Variants in VWA8 observed in about 807,000 individuals in gnomAD.
VWA8 encodes von Willebrand factor A domain containing 8.
VWA8 carries 221 observed loss-of-function variants against 241.5 expected under a neutral mutation model. That is an observed-to-expected ratio of 0.91 (90% CI 0.82 to 1.02). The LOEUF is 1.02. VWA8 is among the 50% of genes least tolerant of loss of function. VWA8 has a pLI of 0.00. For missense variants in VWA8, 2,322 were observed against 2,328.7 expected (o/e 1.00, Z 0.06); for synonymous variants, 852 against 827.1 (o/e 1.03, Z -0.52).
At chr13:41,937,103 C>T (rs1460748560) in intron 2 of VWA8, among the ~76,000 whole-genome samples, 1 of 152,066 alleles carries the variant, frequency 6.6e-6, no homozygotes, top group Non-Finnish European at 1.5e-5. Context: ...TAGGTTTGTA[C>T]CCTAGGAACA....
rs115767412 is a variant in VWA8 at position 41,938,707 on chromosome 13, G to C, written c.241+11229C>G. ...CAAAGAAAATTCTTTCATAATGAGA[G>C]GCAATTAATCCAACTATTGAAAATA... is the stretch of plus-strand genomic sequence containing the variant. On this transcript the variant is annotated intron_variant, in intron 2 of 44. Transcript: ENST00000379310. 1.3e-3 allele frequency among the ~76,000 whole-genome samples: 198 copies of C among 152,066 alleles called. 1 individual carries two copies. The highest frequency in any genetic ancestry group is 3.4e-3 in the Middle Eastern group (1 of 292).
chr13:41,612,999 T>C (rs376483673), intron 38 of VWA8, among the ~76,000 whole-genome samples: 19 of 152,220 alleles, frequency 1.2e-4, no homozygotes, highest in African/African-American at 4.3e-4. Context: ...CTGCTTTTAC[T>C]ATTATTATTA....
rs373691328 is a variant in VWA8 at position 41,714,182 on chromosome 13, T to C, written c.3116+5409A>G. On this transcript the variant is annotated intron_variant, in intron 26 of 44. Coordinates refer to ENST00000379310, the MANE Select transcript of VWA8 (RefSeq NM_015058.2). ...AATATCATCATAAAGAAAGCCAACA[T>C]CTAAAAAACTTTTTAATTTCCTTAG... Among the ~76,000 whole-genome samples the C allele has an allele frequency of 9.4e-4, 143 of 152,128 alleles. 1 individual carries two copies. Among genetic ancestry groups the C allele is most frequent in the Middle Eastern group, 3.4e-3 (1 of 294 alleles).
At position 41,960,857 on chromosome 13, in the gene VWA8, G is replaced by A. The variant is rs1878580216; in HGVS notation, c.159C>T (p.Asp53=). The A allele has an allele frequency of 1.3e-6, 2 of 1,517,782 alleles. No homozygotes were observed. Among genetic ancestry groups the A allele is most frequent in the African/African-American group, 2.9e-5 (2 of 70,058 alleles). 94.0% of individuals were successfully genotyped at this position (1,517,782 alleles called of 1,614,324 possible). ...CAGGGGCGCACCCCGAGTTACCTGT[G>A]TCGGCCCCCGAGCCGGCGTGCAACA... ...VRLLHAGSGA[D]TGDTVNIGDV... Residue 53 remains aspartate, a synonymous_variant, in exon 1 of 45, where the codon GAC becomes GAT. Coordinates refer to ENST00000379310, the MANE Select transcript of VWA8 (RefSeq NM_015058.2).
intron 1 of VWA8, among the ~76,000 whole-genome samples, chr13:41,956,855 T>C (rs1490938414): frequency 6.6e-6 from 1 of 152,230 alleles, no homozygotes; most frequent in African/African-American, 2.4e-5. Flanking sequence ...TGTACAATGA[T>C]ATTTATTACC....
chr13:41,647,947 C>A (rs1024184962), intron 37 of VWA8, among the ~76,000 whole-genome samples: 4 of 152,026 alleles, frequency 2.6e-5, no homozygotes, highest in African/African-American at 9.7e-5. Flanking sequence ...CAAGATCGCA[C>A]CACTGCACTC....
intron 16 of VWA8, among the ~76,000 whole-genome samples, chr13:41,813,891 G>A (rs1566467579): frequency 6.6e-6 from 1 of 151,852 alleles, no homozygotes; most frequent in East Asian, 1.9e-4. Flanking sequence ...CAAAAAAAAA[G>A]GGGGGCGGTG....
intron 37 of VWA8, among the ~76,000 whole-genome samples, chr13:41,636,363 T>G (rs2044756666): frequency 6.6e-6 from 1 of 152,196 alleles, no homozygotes; most frequent in African/African-American, 2.4e-5. Context: ...GTGGGAAAAC[T>G]GGCTAGCCAT....
At chr13:41,871,307 T>C (rs966533320) in intron 9 of VWA8, among the ~76,000 whole-genome samples, 4 of 152,224 alleles carry the variant, frequency 2.6e-5, no homozygotes, top group African/African-American at 9.7e-5. Context: ...TTTTATTTTT[T>C]TAAATTTATT....
At chr13:41,733,575 C>T (rs1348895129) in intron 21 of VWA8, among the ~76,000 whole-genome samples, 2 of 152,108 alleles carry the variant, frequency 1.3e-5, no homozygotes, top group African/African-American at 4.8e-5. Context: ...TCCTTGCCTG[C>T]CTACCTTTCA....
At chr13:41,932,066 C>T (rs1037740096) in intron 2 of VWA8, among the ~76,000 whole-genome samples, 3 of 151,940 alleles carry the variant, frequency 2.0e-5, no homozygotes, top group Admixed American at 2.0e-4. Flanking sequence ...TCTGGTCAGA[C>T]TATTAAGAGA....
chr13:41,684,488 T>C (rs1440481856), intron 35 of VWA8, among the ~76,000 whole-genome samples: 1 of 152,142 alleles, frequency 6.6e-6, no homozygotes, highest in Non-Finnish European at 1.5e-5. Flanking sequence ...TGTCCACTGG[T>C]GGGGTGATCC....
chr13:41,893,958 A>G (rs1874977106), intron 4 of VWA8, among the ~76,000 whole-genome samples: 1 of 152,252 alleles, frequency 6.6e-6, no homozygotes, highest in Non-Finnish European at 1.5e-5. Flanking sequence ...TTACTTCAAG[A>G]AAGCACAGCT....
rs2139654395 is a variant in VWA8, at chr13:41,601,948, C to T, written c.4986+3220G>A. ...CTTTGTGCCGTTCACCAAGGAAACA[C>T]CCATGGTTACTTGGATTACATAGCA... On this transcript the variant is annotated intron_variant, in intron 40 of 44. Coordinates refer to ENST00000379310, the MANE Select transcript of VWA8 (RefSeq NM_015058.2). 2.0e-5 allele frequency among the ~76,000 whole-genome samples: 3 copies of T among 152,180 alleles called. No homozygotes were observed. In the Middle Eastern group the frequency reaches 0.01, roughly 518 times the overall value.
At chr13:41,744,030 C>G (rs1300958917) in intron 21 of VWA8, among the ~76,000 whole-genome samples, 1 of 152,224 alleles carries the variant, frequency 6.6e-6, no homozygotes, top group Admixed American at 6.5e-5. Flanking sequence ...CAGGTGCCTG[C>G]TTCCCTTTCT....
chr13:41,757,264 T>TA (rs1185605805), intron 21 of VWA8, among the ~76,000 whole-genome samples: 1 of 151,704 alleles, frequency 6.6e-6, no homozygotes, highest in Non-Finnish European at 1.5e-5. Context: ...TCTCCTATAA[T>TA]ACACAGCCTC....
chr13:41,720,019 G>A (rs1455086492), intron 25 of VWA8, among the ~76,000 whole-genome samples: 1 of 151,910 alleles, frequency 6.6e-6, no homozygotes, highest in Non-Finnish European at 1.5e-5. Flanking sequence ...TGGTGTCAGT[G>A]ATTGCCACTG....
At chr13:41,948,966 T>C (rs1308671076) in intron 2 of VWA8, among the ~76,000 whole-genome samples, 1 of 130,224 alleles carries the variant, frequency 7.7e-6, no homozygotes, top group Non-Finnish European at 1.6e-5. Context: ...CATACACACA[T>C]ACAACCATAC....
chr13:41,960,924 T>G lies in VWA8; in HGVS notation c.92A>C (p.Gln31Pro), dbSNP rs1413128428. 5 of 1,495,148 alleles carry G rather than the reference T, an allele frequency of 3.3e-6. No individual in the cohort carries two copies. In the Admixed American group the frequency reaches 1.1e-4, roughly 32 times the overall value. The allele number at this position is 1,495,148 out of a possible 1,614,324, so 92.6% of individuals were successfully genotyped here. The change falls in exon 1 of 45, where the codon CAG becomes CCG. Residue 31 changes from glutamine to proline, a missense_variant. Physicochemically the swap from Gln to Pro is moderately conservative, Grantham distance 76. Coordinates refer to ENST00000379310, the MANE Select transcript of VWA8 (RefSeq NM_015058.2). ...CTGCCTGTCGCCACCCGGCCTGCGC[T>G]GCACCACCTGCCGCAGGAGCAGCCG... The part of the protein sequence containing the change: ...RMRLLLRQVV[Q>P]RRPGGDRQRP...
Sources: gnomAD v4.1 joint callset for allele counts (sites outside exome capture counted in the v4.1 genomes callset) on GRCh38, gnomAD v4.1.1 for gene constraint, MANE v1.5 for transcripts, NCBI Gene and HGNC (gene_info 2026-07-23, HGNC 2026-07-21) for gene names.